ASIC2: variants seen among roughly 807,000 people sequenced by gnomAD.
ASIC2 encodes the protein acid sensing ion channel subunit 2, also known as acid-sensing ion channel 2.
In ASIC2, 25 loss-of-function variants were observed where a neutral mutation model predicts 57.3. That is an observed-to-expected ratio of 0.44 (90% CI 0.32 to 0.61). The LOEUF is 0.61. Among genes scored for constraint, ASIC2 ranks in the 20% least tolerant of loss-of-function variants. The pLI is 0.06. For missense variants in ASIC2, 641 were observed against 738.1 expected, an observed-to-expected ratio of 0.87 and a Z score of 1.52; for synonymous variants, 319 against 307.5, an observed-to-expected ratio of 1.04 and a Z score of -0.39.
chr17:33,863,026 G>C (rs1225725075), intron 1 of ASIC2, among the ~76,000 whole-genome samples: 3 of 152,194 alleles, frequency 2.0e-5, no homozygotes, highest in Admixed American at 2.0e-4. Flanking sequence ...CTTTCTCCCT[G>C]AGCAAAGAGC....
At chr17:33,672,852 T>G (rs912633046) in intron 1 of ASIC2, among the ~76,000 whole-genome samples, 1 of 152,188 alleles carries the variant, frequency 6.6e-6, no homozygotes, top group Admixed American at 6.5e-5. Flanking sequence ...AGAGCCTCTG[T>G]GGACAAGTCA....
chr17:34,086,191 C>T (rs1205476183), intron 1 of ASIC2, among the ~76,000 whole-genome samples: 1 of 148,096 alleles, frequency 6.8e-6, no homozygotes, highest in Non-Finnish European at 1.5e-5. Context: ...TATAAATTTC[C>T]CTCTACACAC....
Position 33,023,890 on chromosome 17 carries a change from C to A in ASIC2, c.1320G>T (p.Lys440Asn), listed in dbSNP as rs189162949. The change falls in exon 6 of 10, where the codon AAG (lysine) becomes AAT (asparagine). Residue 440 changes from lysine (K) to asparagine (N), a missense_variant. By Grantham distance (94) the Lys-to-Asn change is moderately conservative. Around this residue, in one of 3 missense-constraint regions of ASIC2, gnomAD observed 252 missense variants for 319.8 expected, o/e 0.79. Transcript: ENST00000225823. ...TATATTTTTCTGATTTGTTAAATTT[C>A]TTCTCAAGGTACTTGGCTGATGTCT... is the stretch of plus-strand genomic sequence containing the variant. Reference protein sequence around the residue: ...PSKTSAKYLEKKFNKSEKYIS... With the variant: ...PSKTSAKYLENKFNKSEKYIS... 1 of 1,614,190 alleles carries A rather than the reference C, an allele frequency of 6.2e-7. No homozygotes were observed. The highest frequency in any genetic ancestry group is 2.2e-5 in the East Asian group (1 of 44,886).
At chr17:33,489,704 C>A (rs143445064) in intron 1 of ASIC2, among the ~76,000 whole-genome samples, 9 of 152,342 alleles carry the variant, frequency 5.9e-5, no homozygotes, top group Admixed American at 5.9e-4. Flanking sequence ...CAAAAATGAA[C>A]TTCCAGGTCA....
chr17:33,410,699 G>A (rs9899229), intron 1 of ASIC2, among the ~76,000 whole-genome samples: 30,692 of 152,162 alleles, frequency 0.2, 3,518 homozygotes, highest in African/African-American at 0.32. Flanking sequence ...ATTCGTCAAG[G>A]CCCTTCCCTA....
At chr17:33,683,708 A>T (rs1268097766) in intron 1 of ASIC2, among the ~76,000 whole-genome samples, 1 of 152,058 alleles carries the variant, frequency 6.6e-6, no homozygotes, top group Non-Finnish European at 1.5e-5. Context: ...GGGCCAGGTA[A>T]TTTTTTTGTT....
chr17:33,230,300 T>A (rs1286748835), intron 1 of ASIC2, among the ~76,000 whole-genome samples: 2 of 152,250 alleles, frequency 1.3e-5, no homozygotes, highest in Non-Finnish European at 2.9e-5. Flanking sequence ...GCCTCTACTT[T>A]GCTGGGCTCA....
chr17:33,536,168 G>A (rs1386279169), intron 1 of ASIC2, among the ~76,000 whole-genome samples: 1 of 147,478 alleles, frequency 6.8e-6, no homozygotes, highest in Non-Finnish European at 1.5e-5. Flanking sequence ...GTGCTTCTGA[G>A]CCGCTTCCAA....
chr17:33,023,947 G>T lies in ASIC2; in HGVS notation c.1263C>A (p.Asn421Lys). The change falls in exon 6 of 10, where the codon AAC becomes AAA. Residue 421 changes from asparagine to lysine, a missense_variant. Physicochemically the swap from Asn to Lys is moderately conservative, Grantham distance 94. This residue lies in a region of ASIC2 where 252 missense variants were observed against 319.8 expected (regional missense o/e 0.79). Transcript: ENST00000225823. ...GGATCTTCACCATGGAGAGCTCTTT[G>T]TTGTAGCGGGTTAGGTTGCAGGGTG... Reference protein sequence around the residue: ...CRTPCNLTRYNKELSMVKIPS... With the variant: ...CRTPCNLTRYKKELSMVKIPS... 1 of 1,614,202 alleles carries T rather than the reference G, an allele frequency of 6.2e-7. No homozygotes were observed. Among genetic ancestry groups the T allele is most frequent in the Non-Finnish European group, 8.5e-7 (1 of 1,180,026 alleles).
At chr17:33,375,496 C>T (rs1167356103) in intron 1 of ASIC2, among the ~76,000 whole-genome samples, 2 of 152,116 alleles carry the variant, frequency 1.3e-5, no homozygotes, top group African/African-American at 2.4e-5. Context: ...ATGAAGTTTA[C>T]GGCACACTAT....
chr17:33,133,612 C>T (rs2092356405), intron 1 of ASIC2, among the ~76,000 whole-genome samples: 2 of 152,194 alleles, frequency 1.3e-5, no homozygotes, highest in Non-Finnish European at 2.9e-5. Context: ...GATCTGTAAA[C>T]TTTAAGTCTG....
chr17:33,960,498 T>G lies in ASIC2; in HGVS notation c.555+195480A>C, dbSNP rs971716427. On this transcript the variant is annotated intron_variant, in intron 1 of 9. Coordinates refer to the ASIC2 transcript ENST00000359872. ...CTGGACCATTACACTCATGGAGAAC[T>G]GTGAGCTCTGTTAAAACTCTTCAAA... Among the ~76,000 whole-genome samples, 7 of 152,336 alleles carry G rather than the reference T, an allele frequency of 4.6e-5. No homozygotes were observed. In the East Asian group the frequency reaches 1.3e-3, roughly 29 times the overall value.
chr17:33,714,508 A>C (rs1162173569), intron 1 of ASIC2, among the ~76,000 whole-genome samples: 1 of 152,272 alleles, frequency 6.6e-6, no homozygotes. Context: ...AAAACACTAC[A>C]TACTGAATGG....
intron 1 of ASIC2, among the ~76,000 whole-genome samples, chr17:33,676,870 G>T (rs1249227006): frequency 6.6e-6 from 1 of 152,128 alleles, no homozygotes. Context: ...GAGGTGGAAG[G>T]TGTCTGGGTC....
intron 1 of ASIC2, among the ~76,000 whole-genome samples, chr17:33,343,283 C>T (rs1907804403): frequency 6.6e-6 from 1 of 152,176 alleles, no homozygotes; most frequent in Non-Finnish European, 1.5e-5. Flanking sequence ...CTAACAAAGT[C>T]CCTTTATTCT....
At chr17:33,193,944 A>G (rs1469597413) in intron 1 of ASIC2, among the ~76,000 whole-genome samples, 2 of 152,118 alleles carry the variant, frequency 1.3e-5, no homozygotes, top group Non-Finnish European at 2.9e-5. Context: ...AATACTTTCT[A>G]GTATATTACT....
chr17:33,379,521 C>G (rs1318984632), intron 1 of ASIC2, among the ~76,000 whole-genome samples: 2 of 152,134 alleles, frequency 1.3e-5, no homozygotes, highest in Non-Finnish European at 2.9e-5. Context: ...CGTGGATGCC[C>G]CAGTATTTTC....
intron 1 of ASIC2, among the ~76,000 whole-genome samples, chr17:33,701,247 G>A (rs1247444358): frequency 2.0e-5 from 3 of 152,080 alleles, no homozygotes; most frequent in Non-Finnish European, 4.4e-5. Context: ...GGGCGGAGGG[G>A]GCATATGAGG....
chr17:33,826,127 T>C (rs1199736830), intron 1 of ASIC2, among the ~76,000 whole-genome samples: 1 of 152,220 alleles, frequency 6.6e-6, no homozygotes, highest in African/African-American at 2.4e-5. Flanking sequence ...AATTCATGCT[T>C]TTAGCTTTTA....
Sources: allele counts gnomAD v4.1 joint callset (sites outside exome capture counted in the v4.1 genomes callset), GRCh38; gene constraint gnomAD v4.1.1; regional missense constraint gnomAD v4.1.1; transcripts MANE v1.5; gene names NCBI Gene and HGNC (gene_info 2026-07-23, HGNC 2026-07-21).